The following ZNF207 variants were observed in gnomAD, a reference collection of about 807,000 sequenced individuals.
ZNF207 encodes zinc finger protein 207.
A neutral mutation model predicts 60.2 loss-of-function variants in ZNF207; 24 were observed. The ratio of observed to expected loss-of-function variants is 0.40; its 90% CI spans 0.29 to 0.56. The LOEUF (loss-of-function observed/expected upper bound fraction) is 0.56, where lower values mean the gene tolerates loss of function less well. Ranked by LOEUF, ZNF207 falls within the 20% of genes least tolerant of loss-of-function variation. The pLI is 0.49. For missense variants in ZNF207, 452 were observed against 636.6 expected, an observed-to-expected ratio of 0.71 and a Z score of 3.12; for synonymous variants, 236 against 194.7, an observed-to-expected ratio of 1.21 and a Z score of -1.77.
Position 32,380,411 on chromosome 17 carries a change from AAAT to A in ZNF207, c.*10654_*10656del, listed in dbSNP as rs1406535292. ...GTTTTTTTATTTTGTATGGTGCTTT[AAAT>A]ACTAATTTTATATTTCAAGCTTTTT... On this transcript the variant is annotated 3_prime_UTR_variant, in exon 12 of 12. Coordinates refer to ENST00000394670, the MANE Select transcript of ZNF207 (RefSeq NM_001098507.2). The A allele has an allele frequency of 6.6e-6, 1 of 152,158 alleles. No individual in the cohort carries two copies. Among genetic ancestry groups the A allele is most frequent in the Non-Finnish European group, 1.5e-5 (1 of 68,036 alleles). The allele number at this position is 152,158 out of a possible 1,614,324, so 9.4% of individuals were successfully genotyped here. A position where few individuals can be genotyped will look rare whatever the true frequency, so the allele number is the denominator to read the frequency against.
chr17:32,356,445 A>G (rs1415671595), intron 2 of ZNF207, among the ~76,000 whole-genome samples: 1 of 152,214 alleles, frequency 6.6e-6, no homozygotes, highest in East Asian at 1.9e-4. Flanking sequence ...TTTAATTGCA[A>G]TATAAGGAAT....
chr17:32,368,108 G>C, intron 10 of ZNF207, 94 bp downstream of exon 10: 1 of 1,532,026 alleles, frequency 6.5e-7, no homozygotes, highest in Non-Finnish European at 8.8e-7. Flanking sequence ...GTACTCAGAT[G>C]GTCTGTGATC....
In ZNF207 at chr17:32,363,076, A is replaced by G. The variant is rs534863652; in HGVS notation, c.670+92A>G. 2,887 of 1,246,134 alleles carry G rather than the reference A, an allele frequency of 2.3e-3. 3 individuals are homozygous for G. The highest frequency in any genetic ancestry group is 2.8e-3 in the Non-Finnish European group (2,534 of 907,474). The allele number at this position is 1,246,134 out of a possible 1,614,324, so 77.2% of individuals were successfully genotyped here. ...TGTGGGCATTAGTATAATGAAATTT[A>G]AAAATTTTTGAAAGTTGCAAGTTCC... On this transcript the variant is annotated intron_variant, in intron 7 of 11. Coordinates refer to ENST00000394670, the MANE Select transcript of ZNF207 (RefSeq NM_001098507.2).
chr17:32,361,547 G>T, intron 6 of ZNF207, 32 bp downstream of exon 6: 2 of 1,571,488 alleles, frequency 1.3e-6, no homozygotes, highest in Non-Finnish European at 1.7e-6. Context: ...TAATTCAGGA[G>T]GTATAATCAT....
At position 32,374,917 on chromosome 17, in the gene ZNF207, T is replaced by G. The variant is rs1484861889; in HGVS notation, c.*5158T>G. 2 of 152,252 alleles carry G rather than the reference T, an allele frequency of 1.3e-5. No homozygotes were observed. Among genetic ancestry groups the G allele is most frequent in the African/African-American group, 4.8e-5 (2 of 41,464 alleles). The allele number at this position is 152,252 out of a possible 1,614,324, so 9.4% of individuals were successfully genotyped here. On this transcript the variant is annotated 3_prime_UTR_variant, in exon 12 of 12. Transcript: ENST00000394670. ...TATCCACATTTGTTTCCAACTAAAA[T>G]TTGCTTTTATTTGGTGAGAAAAGTT...
intron 3 of ZNF207, 67 bp downstream of exon 3, chr17:32,358,708 G>T (rs544570117): frequency 8.3e-7 from 1 of 1,203,288 alleles, no homozygotes; most frequent in Non-Finnish European, 1.1e-6. Flanking sequence ...TTGAGACAGA[G>T]GCTTACTCTG....
chr17:32,366,250 A>G (rs1905156707), intron 8 of ZNF207, among the ~76,000 whole-genome samples: 1 of 152,200 alleles, frequency 6.6e-6, no homozygotes, highest in East Asian at 1.9e-4. Context: ...GCCTTTTGTT[A>G]AGCACATTAA....
intron 7 of ZNF207, among the ~76,000 whole-genome samples, chr17:32,364,157 T>C (rs1438840939): frequency 6.6e-6 from 1 of 151,874 alleles, no homozygotes; most frequent in Non-Finnish European, 1.5e-5. Flanking sequence ...TGAGTGAGCC[T>C]CAGCACCTGG....
In ZNF207 at chr17:32,369,691, C is replaced by G; in HGVS notation, c.1417C>G (p.Gln473Glu). ...GGGACCGCCAATGGTGCCCCCTTACCAGGGTGGGCCTCCTCGACCTCCGAT... is the reference window on the plus strand; with the variant it reads ...GGGACCGCCAATGGTGCCCCCTTACGAGGGTGGGCCTCCTCGACCTCCGAT... The part of the protein sequence containing the change: ...GQGPPMVPPY[Q>E]GGPPRPPMGM... The change falls in exon 12 of 12, where the codon CAG becomes GAG. Residue 473 changes from glutamine to glutamate, a missense_variant. Coordinates refer to ENST00000394670, the MANE Select transcript of ZNF207 (RefSeq NM_001098507.2). The G allele has an allele frequency of 1.3e-6, 2 of 1,596,558 alleles. No homozygotes were observed. Among genetic ancestry groups the G allele is most frequent in the Non-Finnish European group, 1.7e-6 (2 of 1,172,716 alleles).
intron 1 of ZNF207, 95 bp downstream of exon 1, chr17:32,350,421 G>A: frequency 6.4e-7 from 1 of 1,553,218 alleles, no homozygotes; most frequent in East Asian, 2.2e-5. Context: ...GGCGTGGAGC[G>A]TTTGTATTTA....
At chr17:32,357,225 C>G (rs972246334) in intron 2 of ZNF207, among the ~76,000 whole-genome samples, 2 of 149,736 alleles carry the variant, frequency 1.3e-5, no homozygotes, top group African/African-American at 5.0e-5. Flanking sequence ...TCATTAGTTA[C>G]AAGTGATACT....
chr17:32,363,656 C>T (rs914304950), intron 7 of ZNF207, among the ~76,000 whole-genome samples: 9 of 149,046 alleles, frequency 6.0e-5, no homozygotes, highest in East Asian at 4.0e-4. Context: ...CTCAGCCTCC[C>T]GAGTAGCTGG....
chr17:32,360,979 C>A lies in ZNF207; in HGVS notation c.551+12C>A, dbSNP rs780580400. 2 of 1,611,634 alleles carry A rather than the reference C, an allele frequency of 1.2e-6. No individual in the cohort carries two copies. The highest frequency in any genetic ancestry group is 1.7e-6 in the Non-Finnish European group (2 of 1,179,298). The stretch of plus-strand genomic sequence containing the variant: ...GGCATGCCACCTGGGTAAGAAAATT[C>A]TTTTAATTGCCCTGTAGGCTTGTGC... On this transcript the variant is annotated intron_variant, in intron 5 of 11. Transcript: ENST00000394670.
At chr17:32,357,141 C>T (rs1904550491) in intron 2 of ZNF207, among the ~76,000 whole-genome samples, 1 of 150,294 alleles carries the variant, frequency 6.7e-6, no homozygotes, top group South Asian at 2.1e-4. Flanking sequence ...GAGATAATGG[C>T]ACTGTACTCC....
rs1445385221 is a variant in ZNF207, at chr17:32,367,282, T to TATATATAA, written c.922-487_922-486insTATAAATA. On this transcript the variant is annotated intron_variant, in intron 9 of 11. Transcript: ENST00000394670. ...ATATATATATATATATATATATATA[T>TATATATAA]ATAAAGAATACTACTAAAGGATGTA... is the stretch of plus-strand genomic sequence containing the variant. Among the ~76,000 whole-genome samples the TATATATAA allele has an allele frequency of 5.2e-3, 428 of 82,724 alleles. 15 individuals are homozygous for TATATATAA. Among genetic ancestry groups the TATATATAA allele is most frequent in the African/African-American group, 0.012 (191 of 16,238 alleles). The allele number at this position is 82,724 out of a possible 152,430, so 54.3% of individuals were successfully genotyped here. A position where few individuals can be genotyped will look rare whatever the true frequency, so the allele number is the denominator to read the frequency against.
At chr17:32,366,572 C>T in intron 8 of ZNF207, 93 bp from the exon 9 acceptor site, 1 of 967,458 alleles carries the variant, frequency 1.0e-6, no homozygotes, top group South Asian at 2.5e-5. Flanking sequence ...TTTGCATTTA[C>T]AAATATGCAA....
intron 6 of ZNF207, among the ~76,000 whole-genome samples, chr17:32,362,545 C>T (rs184446068): frequency 6.6e-6 from 1 of 152,302 alleles, no homozygotes; most frequent in Admixed American, 6.5e-5. Context: ...ATAGAGATTT[C>T]TTCTTTTTCT....
In ZNF207 at chr17:32,379,159, A is replaced by T. The variant is rs1905788104; in HGVS notation, c.*9400A>T. ...TTAATCTGTATATGAAATGGTGTAG[A>T]TACAGTGGAAATGGTTTTCCTTAAA... is the stretch of plus-strand genomic sequence containing the variant. On this transcript the variant is annotated 3_prime_UTR_variant, in exon 12 of 12. Transcript: ENST00000394670. 2 of 152,094 alleles carry T rather than the reference A, an allele frequency of 1.3e-5. No homozygotes were observed. Among genetic ancestry groups the T allele is most frequent in the Non-Finnish European group, 2.9e-5 (2 of 67,938 alleles). The allele number at this position is 152,094 out of a possible 1,614,324, so 9.4% of individuals were successfully genotyped here.
chr17:32,357,181 T>TAA lies in ZNF207; in HGVS notation c.169-1309_169-1308dup, dbSNP rs78618463. Among the ~76,000 whole-genome samples, 1,047 of 141,630 alleles carry TAA rather than the reference T, an allele frequency of 7.4e-3. 22 individuals are homozygous for TAA. The highest frequency in any genetic ancestry group is 0.027 in the African/African-American group (1,000 of 37,578). The allele number at this position is 141,630 out of a possible 152,430, so 92.9% of individuals were successfully genotyped here. A position where few individuals can be genotyped will look rare whatever the true frequency, so the allele number is the denominator to read the frequency against. On this transcript the variant is annotated intron_variant, in intron 2 of 11. Coordinates refer to ENST00000394670, the MANE Select transcript of ZNF207 (RefSeq NM_001098507.2). Reference sequence around the variant, plus strand: ...TGGGTGGCAGAGTGAGACCCTGTCTTAAAAAAAAAAAAAAGTAAAATGCCT... The same window carrying TAA: ...TGGGTGGCAGAGTGAGACCCTGTCTTAAAAAAAAAAAAAAAAGTAAAATGCCT...
Sources: gnomAD v4.1 joint callset for allele counts (sites outside exome capture counted in the v4.1 genomes callset) on GRCh38, gnomAD v4.1.1 for gene constraint, MANE v1.5 for transcripts, NCBI Gene and HGNC (gene_info 2026-07-23, HGNC 2026-07-21) for gene names.